KCNT2: variants seen among roughly 807,000 people sequenced by gnomAD.
KCNT2 encodes potassium channel subfamily T member 2.
Under a neutral mutation model 153.8 loss-of-function variants are expected in KCNT2, and 67 were observed. The observed-to-expected ratio is 0.44, with a 90% CI of 0.36 to 0.53. The LOEUF (loss-of-function observed/expected upper bound fraction) is 0.53. Among genes scored for constraint, KCNT2 ranks in the 20% least tolerant of loss-of-function variants. The pLI is 0.00. For synonymous variants in KCNT2, 500 were observed against 458.8 expected (o/e 1.09, Z -1.15); for missense variants, 975 against 1,354.8 (o/e 0.72, Z 4.40).
chr1:196,376,410 T>C (rs1290521995), intron 13 of KCNT2, among the ~76,000 whole-genome samples: 1 of 151,826 alleles, frequency 6.6e-6, no homozygotes, highest in Non-Finnish European at 1.5e-5. Flanking sequence ...GTAGAAAAAA[T>C]AAAGGGTTAA....
chr1:196,396,616 C>T (rs553415125), intron 13 of KCNT2, among the ~76,000 whole-genome samples: 12 of 151,584 alleles, frequency 7.9e-5, no homozygotes, highest in African/African-American at 2.4e-4. Flanking sequence ...AACTAGGATG[C>T]CTTCATCTTT....
At chr1:196,506,485 A>T (rs1681157397) in intron 1 of KCNT2, among the ~76,000 whole-genome samples, 1 of 152,178 alleles carries the variant, frequency 6.6e-6, no homozygotes, top group Non-Finnish European at 1.5e-5. Flanking sequence ...TTTACTTCAG[A>T]AAATGCCTAC....
At chr1:196,453,123 T>A (rs1460439335) in intron 8 of KCNT2, among the ~76,000 whole-genome samples, 4 of 151,950 alleles carry the variant, frequency 2.6e-5, no homozygotes, top group African/African-American at 9.7e-5. Flanking sequence ...TGTTTTATCT[T>A]TTTTTGGCCT....
At chr1:196,418,644 C>T (rs570984257) in intron 12 of KCNT2, among the ~76,000 whole-genome samples, 1 of 152,182 alleles carries the variant, frequency 6.6e-6, no homozygotes, top group South Asian at 2.1e-4. Context: ...GCACACCCAC[C>T]CCTGGTATCT....
At chr1:196,523,407 G>A (rs1406174043) in intron 1 of KCNT2, among the ~76,000 whole-genome samples, 2 of 152,174 alleles carry the variant, frequency 1.3e-5, no homozygotes, top group Non-Finnish European at 2.9e-5. Context: ...CTTAAATTAA[G>A]AAGGAATTTA....
intron 25 of KCNT2, among the ~76,000 whole-genome samples, chr1:196,271,467 A>C (rs1658059615): frequency 1.3e-5 from 2 of 152,036 alleles, no homozygotes; most frequent in South Asian, 4.1e-4. Flanking sequence ...TACGTAGTTA[A>C]ATTAAGTCAA....
At chr1:196,491,479 C>T (rs1679854764) in intron 2 of KCNT2, among the ~76,000 whole-genome samples, 1 of 151,946 alleles carries the variant, frequency 6.6e-6, no homozygotes, top group South Asian at 2.1e-4. Flanking sequence ...ATTCACAGAG[C>T]TTAATGTCTA....
chr1:196,461,111 A>G (rs1677111920), intron 8 of KCNT2, among the ~76,000 whole-genome samples: 1 of 151,734 alleles, frequency 6.6e-6, no homozygotes, highest in Non-Finnish European at 1.5e-5. Context: ...CTTCATCCAA[A>G]CTACAGTACT....
intron 25 of KCNT2, among the ~76,000 whole-genome samples, chr1:196,270,120 T>C (rs928357905): frequency 3.3e-5 from 5 of 152,050 alleles, no homozygotes; most frequent in African/African-American, 1.2e-4. Flanking sequence ...TTTTAAAAGT[T>C]AATGCAAATT....
chr1:196,236,475 G>T (rs1321550899), intron 26 of KCNT2, among the ~76,000 whole-genome samples: 1 of 151,362 alleles, frequency 6.6e-6, no homozygotes, highest in Non-Finnish European at 1.5e-5. Context: ...GGAAATTCTT[G>T]GGAAAAATAA....
intron 1 of KCNT2, among the ~76,000 whole-genome samples, chr1:196,567,769 T>C (rs1660286587): frequency 6.6e-6 from 1 of 152,186 alleles, no homozygotes; most frequent in Non-Finnish European, 1.5e-5. Context: ...CAAAAGGGCT[T>C]ATGTAGGAAA....
rs1003143346 is a variant in KCNT2, at chr1:196,516,059, G to A, written c.96-23718C>T. Among the ~76,000 whole-genome samples the A allele has an allele frequency of 3.3e-5, 5 of 152,142 alleles. No homozygotes were observed. In the East Asian group the frequency reaches 5.8e-4, roughly 18 times the overall value. ...GCAAAGGCAGCTGCAACTCCAGCAA[G>A]GTGGGAGGTCAGACCTGCGTACATA... On this transcript the variant is annotated intron_variant, in intron 1 of 27. Coordinates refer to ENST00000294725, the MANE Select transcript of KCNT2 (RefSeq NM_198503.5).
At chr1:196,377,208 T>C (rs1005564480) in intron 13 of KCNT2, among the ~76,000 whole-genome samples, 2 of 151,878 alleles carry the variant, frequency 1.3e-5, no homozygotes, top group African/African-American at 4.8e-5. Flanking sequence ...AGAAACATTA[T>C]TCTAGAACAT....
At chr1:196,390,613 T>C (rs1670392977) in intron 13 of KCNT2, among the ~76,000 whole-genome samples, 1 of 151,442 alleles carries the variant, frequency 6.6e-6, no homozygotes. Context: ...GCACTCAACA[T>C]TTCCCCTAGA....
intron 25 of KCNT2, among the ~76,000 whole-genome samples, chr1:196,262,680 TTAATA>T (rs1387774489): frequency 6.6e-6 from 1 of 152,030 alleles, no homozygotes; most frequent in East Asian, 1.9e-4. Flanking sequence ...AAAGCTCAAT[TTAATA>T]TGTACACGTG....
chr1:196,446,319 G>T (rs113091280), intron 8 of KCNT2, among the ~76,000 whole-genome samples: 1 of 151,172 alleles, frequency 6.6e-6, no homozygotes, highest in East Asian at 2.0e-4. Flanking sequence ...AACATTTAAC[G>T]GTCATTATTC....
intron 13 of KCNT2, among the ~76,000 whole-genome samples, chr1:196,377,977 A>C (rs1267722289): frequency 6.6e-6 from 1 of 152,128 alleles, no homozygotes; most frequent in Admixed American, 6.6e-5. Flanking sequence ...AAAATCCAGT[A>C]AGTCAGGTTT....
chr1:196,591,526 A>G (rs77881733), intron 1 of KCNT2, among the ~76,000 whole-genome samples: 3,557 of 152,294 alleles, frequency 0.023, 71 homozygotes, highest in Non-Finnish European at 0.029. Flanking sequence ...GAAGTTTTGC[A>G]TTCTGAAGAC....
chr1:196,507,363 C>G (rs1365027906), intron 1 of KCNT2, among the ~76,000 whole-genome samples: 1 of 152,080 alleles, frequency 6.6e-6, no homozygotes, highest in Non-Finnish European at 1.5e-5. Flanking sequence ...ACGTGGCTTT[C>G]TATTTTCTGT....
Sources: allele counts gnomAD v4.1 joint callset (sites outside exome capture counted in the v4.1 genomes callset), GRCh38; gene constraint gnomAD v4.1.1; transcripts MANE v1.5; gene names NCBI Gene and HGNC (gene_info 2026-07-23, HGNC 2026-07-21).